Variants in GRID2IP observed in about 807,000 individuals in gnomAD.
The protein encoded by GRID2IP is Grid2 interacting protein.
Under a neutral mutation model 114.3 loss-of-function variants are expected in GRID2IP, and 78 were observed. The ratio of observed to expected loss-of-function variants is 0.68; its 90% CI spans 0.57 to 0.82. The LOEUF (loss-of-function observed/expected upper bound fraction) is 0.82. Ranked by LOEUF, GRID2IP falls within the 40% of genes least tolerant of loss-of-function variation. The pLI, the probability that GRID2IP is intolerant of heterozygous loss-of-function variation, is 0.00. For missense variants in GRID2IP, 1,727 were observed against 1,678.5 expected (o/e 1.03, Z -0.51); for synonymous variants, 809 against 724.0 (o/e 1.12, Z -1.89).
At chr7:6,510,458 G>C in intron 10 of GRID2IP, 58 bp from the exon 11 acceptor site, 1 of 1,395,240 alleles carries the variant, frequency 7.2e-7, no homozygotes. Flanking sequence ...GCCCTAATGT[G>C]GTCCAGGCCT....
intron 1 of GRID2IP, among the ~76,000 whole-genome samples, chr7:6,548,976 T>C (rs1244729001): frequency 6.6e-6 from 1 of 152,158 alleles, no homozygotes; most frequent in Non-Finnish European, 1.5e-5. Context: ...TCCGGACTAT[T>C]TCCTAGTCGC....
rs549675818 is a variant in GRID2IP, at chr7:6,498,550, C to G, written c.3400-322G>C. ...CCAACCACTCATTTACAGTAGGCCC[C>G]TCTGTCACTCTCTAGGCCTTACTTT... On this transcript the variant is annotated intron_variant, in intron 20 of 21. Coordinates refer to ENST00000457091, the MANE Select transcript of GRID2IP (RefSeq NM_001145118.2). 2.0e-5 allele frequency among the ~76,000 whole-genome samples: 3 copies of G among 148,776 alleles called. No homozygotes were observed. The East Asian group carries it at 5.9e-4, about 29-fold the overall frequency.
Position 6,526,673 on chromosome 7 carries a change from C to T in GRID2IP, c.681G>A (p.Ala227=). ...CGCTGCGGCTCCGGCGCAGTCGCTGCGCGCCCTGGGCCCGGCGTGCGCGGC... is the reference window on the plus strand; with the variant it reads ...CGCTGCGGCTCCGGCGCAGTCGCTGTGCGCCCTGGGCCCGGCGTGCGCGGC... ...KLCRARRAQG[A]QRLRRSRSEE... The change falls in exon 3 of 22, where the codon GCG becomes GCA. Residue 227 remains alanine, a synonymous_variant. Coordinates refer to ENST00000457091, the MANE Select transcript of GRID2IP (RefSeq NM_001145118.2). The surrounding 1 kb of genome is among the most constrained non-coding windows in gnomAD (Gnocchi z 7.6). 6.8e-7 allele frequency: 1 copy of T among 1,468,096 alleles called. No individual in the cohort carries two copies. The highest frequency in any genetic ancestry group is 9.0e-7 in the Non-Finnish European group (1 of 1,112,526). The allele number at this position is 1,468,096 out of a possible 1,614,324, so 90.9% of individuals were successfully genotyped here.
At chr7:6,511,174 C>T in intron 8 of GRID2IP, 135 bp from the exon 9 acceptor site, 1 of 1,187,678 alleles carries the variant, frequency 8.4e-7, no homozygotes, top group South Asian at 3.3e-5. Context: ...CCCTGCTTGC[C>T]TCCAGAACAG....
intron 16 of GRID2IP, 114 bp downstream of exon 16, chr7:6,503,377 G>T (rs1045746585): frequency 8.8e-7 from 1 of 1,138,132 alleles, no homozygotes; most frequent in Non-Finnish European, 1.2e-6. Context: ...GGGACTCAGA[G>T]GCTTGGGCGC....
At chr7:6,525,121 A>G (rs972727711) in intron 4 of GRID2IP, among the ~76,000 whole-genome samples, 19 of 151,974 alleles carry the variant, frequency 1.3e-4, no homozygotes, top group African/African-American at 4.6e-4. Flanking sequence ...CCTGGCCAAC[A>G]TGACGAAGCC....
At position 6,549,783 on chromosome 7, in the gene GRID2IP, G is replaced by T. The variant is rs558350184; in HGVS notation, c.429+1225C>A. Among the ~76,000 whole-genome samples the T allele has an allele frequency of 9.3e-5, 14 of 150,864 alleles. No homozygotes were observed. The South Asian group carries it at 2.3e-3, about 25-fold the overall frequency. On this transcript the variant is annotated intron_variant, in intron 1 of 21. Coordinates refer to ENST00000457091, the MANE Select transcript of GRID2IP (RefSeq NM_001145118.2). ...ACCACAGGCGCGCGCCACCACACCT[G>T]GCTGGTTTTTTTTTTTTTTATATTT...
At position 6,536,351 on chromosome 7, in the gene GRID2IP, CCCCAGGTGTCCAGGGCTCCCGCTG is replaced by C; in HGVS notation, c.584+3343_584+3366del. On this transcript the variant is annotated intron_variant, in intron 2 of 21. Coordinates refer to ENST00000457091, the MANE Select transcript of GRID2IP (RefSeq NM_001145118.2). This position sits in a 1 kb window ranked among gnomAD's most constrained non-coding sequence, Gnocchi z 5.3. ...GTTTCAAGCTGCGGGGACTGGGCAT[CCCCAGGTGTCCAGGGCTCCCGCTG>C]CCCAGGCTCTAAATCGAGCGCGCCC... is the stretch of plus-strand genomic sequence containing the variant. Among the ~76,000 whole-genome samples the C allele has an allele frequency of 6.6e-6, 1 of 152,338 alleles. No individual in the cohort carries two copies. Among genetic ancestry groups the C allele is most frequent in the Non-Finnish European group, 1.5e-5 (1 of 68,022 alleles).
chr7:6,539,751 C>T lies in GRID2IP; in HGVS notation c.551G>A (p.Arg184Gln), dbSNP rs566890547. The T allele has an allele frequency of 9.2e-5, 142 of 1,549,860 alleles. No homozygotes were observed. Among genetic ancestry groups the T allele is most frequent in the Non-Finnish European group, 1.2e-4 (134 of 1,146,852 alleles). ...LVWTLTLALP[R>Q]EACGPLLDNL... ...GTCCAGGAGTGGCCCGCAGGCCTCT[C>T]GGGGCAGCGCCAGGGTGAGAGTCCA... Residue 184 changes from arginine (R) to glutamine (Q), a missense_variant, in exon 2 of 22, where the codon CGA (arginine) becomes CAA (glutamine). Transcript: ENST00000457091.
intron 1 of GRID2IP, among the ~76,000 whole-genome samples, chr7:6,540,100 TC>T (rs1422809303): frequency 5.9e-4 from 21 of 35,480 alleles, no homozygotes; most frequent in Non-Finnish European, 1.1e-3. Context: ...TCCCCTCCCC[TC>T]CCCTCCCCTC....
At chr7:6,510,886 C>T (rs1242265176) in intron 9 of GRID2IP, 22 bp downstream of exon 9, 1 of 1,549,040 alleles carries the variant, frequency 6.5e-7, no homozygotes, top group Middle Eastern at 1.7e-4. Flanking sequence ...CATTCATACC[C>T]TCCCCCTGAC....
rs1486943320 is a variant in GRID2IP, at chr7:6,526,482, G to A, written c.833+39C>T. On this transcript the variant is annotated intron_variant, in intron 3 of 21. Transcript: ENST00000457091. The surrounding 1 kb of genome is among the most constrained non-coding windows in gnomAD (Gnocchi z 7.6). ...GGTCTCGGTCCCGAGCCCACCCGCAGGGAGGCGCCCGCTGCCAGTGCCTGT... is the reference window on the plus strand; with the variant it reads ...GGTCTCGGTCCCGAGCCCACCCGCAAGGAGGCGCCCGCTGCCAGTGCCTGT... The A allele has an allele frequency of 2.9e-6, 4 of 1,381,544 alleles. No individual in the cohort carries two copies. Among genetic ancestry groups the A allele is most frequent in the Admixed American group, 3.0e-5 (1 of 33,834 alleles). The allele number at this position is 1,381,544 out of a possible 1,614,324, so 85.6% of individuals were successfully genotyped here.
intron 2 of GRID2IP, among the ~76,000 whole-genome samples, chr7:6,538,903 AAGAG>A (rs752917012): frequency 9.9e-5 from 15 of 151,514 alleles, no homozygotes; most frequent in Non-Finnish European, 2.2e-4. Context: ...GAAAGAGAGA[AAGAG>A]AGAGAGAGAG....
intron 1 of GRID2IP, among the ~76,000 whole-genome samples, chr7:6,541,580 A>G (rs1426738347): frequency 6.6e-6 from 1 of 152,254 alleles, no homozygotes; most frequent in South Asian, 2.1e-4. Context: ...ATGAGCGTGC[A>G]AATGGACACG....
At position 6,514,485 on chromosome 7, in the gene GRID2IP, G is replaced by T. The variant is rs1187676743; in HGVS notation, c.1313C>A (p.Thr438Asn). The T allele has an allele frequency of 1.3e-6, 2 of 1,548,830 alleles. No homozygotes were observed. Among genetic ancestry groups the T allele is most frequent in the Admixed American group, 2.0e-5 (1 of 50,876 alleles). The change falls in exon 8 of 22, where the codon ACC (threonine) becomes AAC (asparagine). Residue 438 changes from threonine to asparagine, a missense_variant. Coordinates refer to ENST00000457091, the MANE Select transcript of GRID2IP (RefSeq NM_001145118.2). Reference protein sequence around the residue: ...LIVDVYPVLDTPAKQVLWQFI... With the variant: ...LIVDVYPVLDNPAKQVLWQFI... ...CTGCCACAGGACCTGCTTGGCAGGG[G>T]TGTCCAGCACAGGGTAGACGTCAAC...
chr7:6,539,381 C>T (rs762300004), intron 2 of GRID2IP, among the ~76,000 whole-genome samples: 2 of 152,126 alleles, frequency 1.3e-5, no homozygotes, highest in Non-Finnish European at 2.9e-5. Flanking sequence ...CCCACCTCAG[C>T]CTCCCAAAGC....
Position 6,551,036 on chromosome 7 carries a change from C to T in GRID2IP, c.401G>A (p.Arg134Lys). 2 of 1,294,370 alleles carry T rather than the reference C, an allele frequency of 1.5e-6. No individual in the cohort carries two copies. Among genetic ancestry groups the T allele is most frequent in the Non-Finnish European group, 2.0e-6 (2 of 1,023,480 alleles). 80.2% of individuals were successfully genotyped at this position (1,294,370 alleles called of 1,614,324 possible). A position where few individuals can be genotyped will look rare whatever the true frequency, so the allele number is the denominator to read the frequency against. ...GCGGCTGAACTCTTGGGCCTTGCGC[C>T]TGCGCTCTCGGTGCACCGCGTCCGG... ...KRPDAVHRER[R>K]RKAQEFSRKV... The change falls in exon 1 of 22, where the codon AGG (arginine) becomes AAG (lysine). Residue 134 changes from arginine (R) to lysine (K), a missense_variant. Physicochemically the swap from Arg to Lys is conservative, Grantham distance 26. Coordinates refer to ENST00000457091, the MANE Select transcript of GRID2IP (RefSeq NM_001145118.2).
intron 1 of GRID2IP, among the ~76,000 whole-genome samples, chr7:6,545,441 C>A (rs1355901419): frequency 6.6e-6 from 1 of 152,188 alleles, no homozygotes; most frequent in Non-Finnish European, 1.5e-5. Flanking sequence ...CCAGCTCTGG[C>A]GAAGAACCCC....
In GRID2IP at chr7:6,532,808, G is replaced by C. The variant is rs1476481663; in HGVS notation, c.585-6039C>G. Among the ~76,000 whole-genome samples the C allele has an allele frequency of 6.6e-6, 1 of 152,198 alleles. No individual in the cohort carries two copies. The highest frequency in any genetic ancestry group is 6.5e-5 in the Admixed American group (1 of 15,268). ...CATCCACCGTGCTGTGAGCACAGGA[G>C]ATGCAACCAGGGAGCAGACGCCCAG... On this transcript the variant is annotated intron_variant, in intron 2 of 21. Coordinates refer to ENST00000457091, the MANE Select transcript of GRID2IP (RefSeq NM_001145118.2). The surrounding 1 kb of genome is among the most constrained non-coding windows in gnomAD (Gnocchi z 4.4).
Sources: allele counts gnomAD v4.1 joint callset (sites outside exome capture counted in the v4.1 genomes callset), GRCh38; gene constraint gnomAD v4.1.1; non-coding constraint Gnocchi (gnomAD v3.1); transcripts MANE v1.5; gene names NCBI Gene and HGNC (gene_info 2026-07-23, HGNC 2026-07-21).